ACBD6: variants seen among roughly 807,000 people sequenced by gnomAD.
ACBD6 encodes acyl-CoA-binding domain-containing protein 6.
In ACBD6, 28 loss-of-function variants were observed where a neutral mutation model predicts 37.2. The observed-to-expected ratio is 0.75, with a 90% CI of 0.56 to 1.03. ACBD6 has a LOEUF of 1.03. ACBD6 is among the 50% of genes least tolerant of loss of function. The probability of loss-of-function intolerance (pLI) is 0.00; values close to 1 mark genes in which losing one functional copy is unlikely to be tolerated. For missense variants in ACBD6, 340 were observed against 337.4 expected (o/e 1.01, Z -0.06); for synonymous variants, 113 against 126.8 (o/e 0.89, Z 0.73).
chr1:180,303,660 C>T (rs571239909), intron 7 of ACBD6, among the ~76,000 whole-genome samples: 3 of 150,778 alleles, frequency 2.0e-5, no homozygotes, highest in African/African-American at 4.8e-5. Context: ...GATTCACAGC[C>T]GAATTCCACC....
chr1:180,450,703 T>G, intron 3 of ACBD6, among the ~76,000 whole-genome samples: 1 of 152,088 alleles, frequency 6.6e-6, no homozygotes, highest in East Asian at 1.9e-4. Flanking sequence ...GAACTTGCAG[T>G]GAGCCGAGAT....
At chr1:180,294,261 G>A (rs922055864) in intron 7 of ACBD6, among the ~76,000 whole-genome samples, 4 of 152,044 alleles carry the variant, frequency 2.6e-5, no homozygotes, top group Non-Finnish European at 2.9e-5. Context: ...GGCCAGGTGC[G>A]GTGGCTCTTG....
At chr1:180,391,996 A>G (rs1654094805) in intron 6 of ACBD6, among the ~76,000 whole-genome samples, 1 of 152,168 alleles carries the variant, frequency 6.6e-6, no homozygotes, top group Non-Finnish European at 1.5e-5. Flanking sequence ...GATACATGTA[A>G]CATGAATGAC....
At chr1:180,296,784 A>G (rs1171644179) in intron 7 of ACBD6, among the ~76,000 whole-genome samples, 6 of 151,858 alleles carry the variant, frequency 4.0e-5, no homozygotes, top group African/African-American at 1.4e-4. Flanking sequence ...GATGCCATCT[A>G]GGATTTTCAT....
chr1:180,439,554 C>T (rs947306050), intron 3 of ACBD6, among the ~76,000 whole-genome samples: 4 of 151,822 alleles, frequency 2.6e-5, no homozygotes, highest in African/African-American at 9.7e-5. Flanking sequence ...TGCGCTACTG[C>T]ACTCCAGCCT....
chr1:180,406,272 A>G (rs1033891335), intron 5 of ACBD6, among the ~76,000 whole-genome samples: 1 of 152,146 alleles, frequency 6.6e-6, no homozygotes, highest in African/African-American at 2.4e-5. Context: ...TTTACATTAT[A>G]TACTTATTGA....
chr1:180,286,259 T>C (rs185421717), downstream of ACBD6, among the ~76,000 whole-genome samples: 212 of 152,304 alleles, frequency 1.4e-3, 3 homozygotes, highest in East Asian at 9.6e-4. Flanking sequence ...GCTTTGAATA[T>C]AAATTTGAAA....
At chr1:180,449,362 C>T (rs1419360218) in intron 3 of ACBD6, among the ~76,000 whole-genome samples, 1 of 151,958 alleles carries the variant, frequency 6.6e-6, no homozygotes, top group Non-Finnish European at 1.5e-5. Context: ...TGCAAGCAAC[C>T]CATATGGATA....
At chr1:180,272,317 G>A (rs1455966165) in intron 13 of ACBD6, among the ~76,000 whole-genome samples, 1 of 152,146 alleles carries the variant, frequency 6.6e-6, no homozygotes, top group Non-Finnish European at 1.5e-5. Context: ...ATGAACAGAT[G>A]ACTGGGTTCC....
At chr1:180,318,171 C>A (rs1210142513) in intron 6 of ACBD6, among the ~76,000 whole-genome samples, 14 of 103,760 alleles carry the variant, frequency 1.3e-4, no homozygotes, top group Admixed American at 4.3e-4. Context: ...CCGCCCCCCC[C>A]CCCCAAAAAA....
chr1:180,333,682 C>A (rs1651576856), intron 6 of ACBD6, among the ~76,000 whole-genome samples: 1 of 152,172 alleles, frequency 6.6e-6, no homozygotes, highest in African/African-American at 2.4e-5. Flanking sequence ...ACAGTGAGTG[C>A]AGCGCACTGA....
chr1:180,447,380 G>C (rs897693902), intron 3 of ACBD6, among the ~76,000 whole-genome samples: 2 of 152,014 alleles, frequency 1.3e-5, no homozygotes, highest in African/African-American at 4.8e-5. Flanking sequence ...AGTCCACCAA[G>C]TAAATGTCAT....
At chr1:180,481,229 A>G (rs1385067971) in intron 3 of ACBD6, among the ~76,000 whole-genome samples, 1 of 139,900 alleles carries the variant, frequency 7.1e-6, no homozygotes. Context: ...TTGGCCCATG[A>G]AGGCGCTTGT....
At chr1:180,471,528 T>C (rs1650566674) in intron 3 of ACBD6, among the ~76,000 whole-genome samples, 1 of 152,034 alleles carries the variant, frequency 6.6e-6, no homozygotes, top group Non-Finnish European at 1.5e-5. Context: ...CAGTTCCACA[T>C]GGCTGGGGAG....
intron 6 of ACBD6, among the ~76,000 whole-genome samples, chr1:180,322,680 A>G (rs1204496751): frequency 6.6e-6 from 1 of 150,710 alleles, no homozygotes; most frequent in Non-Finnish European, 1.5e-5. Context: ...TGATCCTTTG[A>G]ATTTCAGTGG....
chr1:180,377,515 T>C (rs1006923865), intron 6 of ACBD6, among the ~76,000 whole-genome samples: 1 of 152,148 alleles, frequency 6.6e-6, no homozygotes, highest in Non-Finnish European at 1.5e-5. Flanking sequence ...GAACCTAGAA[T>C]CGGGGGAAAT....
intron 6 of ACBD6, among the ~76,000 whole-genome samples, chr1:180,364,378 A>G (rs1336760101): frequency 2.0e-5 from 3 of 152,236 alleles, no homozygotes; most frequent in East Asian, 3.8e-4. Context: ...AGGGACATTG[A>G]TTCAGTAATG....
intron 3 of ACBD6, among the ~76,000 whole-genome samples, chr1:180,476,455 T>C (rs181416587): frequency 3.9e-5 from 6 of 152,262 alleles, no homozygotes; most frequent in South Asian, 2.1e-4. Flanking sequence ...TGCACACATA[T>C]AGGCTAATAC....
downstream of ACBD6, among the ~76,000 whole-genome samples, chr1:180,283,343 G>GC (rs1649373749): frequency 6.6e-6 from 1 of 152,122 alleles, no homozygotes; most frequent in East Asian, 1.9e-4. Flanking sequence ...TTCAGCCACT[G>GC]CATCTAGTAG....
Sources: allele counts gnomAD v4.1 joint callset (sites outside exome capture counted in the v4.1 genomes callset), GRCh38; gene constraint gnomAD v4.1.1; transcripts MANE v1.5; gene names NCBI Gene and HGNC (gene_info 2026-07-23, HGNC 2026-07-21).